The following CRYBA4 variants were observed in gnomAD, a reference collection of about 807,000 sequenced individuals.
CRYBA4 encodes the protein crystallin beta A4, also known as beta-crystallin A4.
A neutral mutation model predicts 31.7 loss-of-function variants in CRYBA4; 30 were observed. The observed-to-expected ratio is 0.95, with a 90% CI of 0.71 to 1.28. The LOEUF (loss-of-function observed/expected upper bound fraction) is 1.28, where lower values mean the gene tolerates loss of function less well. CRYBA4 is among the 50% of genes most tolerant of loss of function. The probability of loss-of-function intolerance (pLI) is 0.00; values close to 1 mark genes in which losing one functional copy is unlikely to be tolerated. For missense variants in CRYBA4, 225 were observed against 260.7 expected (o/e 0.86, Z 0.94); for synonymous variants, 102 against 102.3 (o/e 1.00, Z 0.02).
intron 5 of CRYBA4, among the ~76,000 whole-genome samples, chr22:26,628,993 G>C (rs948537689): frequency 8.5e-5 from 13 of 152,222 alleles, no homozygotes; most frequent in Middle Eastern, 3.2e-3. Context: ...CCTTGGCTGA[G>C]AGTGAGAGGC....
chr22:26,612,018 G>T, the CRYBA4 span: 3 of 1,300,304 alleles, frequency 2.3e-6, no homozygotes, highest in Non-Finnish European at 2.2e-6. Context: ...AGCTACTGTT[G>T]TGTGGTCATT....
At chr22:26,607,472 A>T in the CRYBA4 span, among the ~76,000 whole-genome samples, 2 of 150,766 alleles carry the variant, frequency 1.3e-5, no homozygotes, top group Non-Finnish European at 2.9e-5. Flanking sequence ...CGGGAGGATC[A>T]CTTGAGGCCA....
the CRYBA4 span, among the ~76,000 whole-genome samples, chr22:26,594,707 A>C: frequency 6.6e-6 from 1 of 151,896 alleles, no homozygotes; most frequent in Non-Finnish European, 1.5e-5. Flanking sequence ...AAAACAAAAA[A>C]CAAAAACCAA....
chr22:26,627,729 A>G (rs1366448130), intron 4 of CRYBA4, among the ~76,000 whole-genome samples: 1 of 150,282 alleles, frequency 6.7e-6, no homozygotes, highest in East Asian at 2.0e-4. Context: ...GCTCACTGCA[A>G]CCTCTGCCTC....
At chr22:26,598,687 G>A in the CRYBA4 span, among the ~76,000 whole-genome samples, 1 of 152,274 alleles carries the variant, frequency 6.6e-6, no homozygotes, top group South Asian at 2.1e-4. Context: ...CCCAGCCTGT[G>A]TGATTGCTTT....
chr22:26,601,176 A>G, the CRYBA4 span, among the ~76,000 whole-genome samples: 1 of 152,226 alleles, frequency 6.6e-6, no homozygotes, highest in Non-Finnish European at 1.5e-5. Context: ...ATGGAGAGAC[A>G]GAGCCTTACG....
chr22:26,592,276 C>T, the CRYBA4 span, among the ~76,000 whole-genome samples: 491 of 152,304 alleles, frequency 3.2e-3, 6 homozygotes, highest in African/African-American at 0.011. Context: ...TAATAACATT[C>T]TAGCAATGGC....
the CRYBA4 span, among the ~76,000 whole-genome samples, chr22:26,614,656 A>C: frequency 2.0e-5 from 3 of 152,190 alleles, no homozygotes; most frequent in African/African-American, 7.2e-5. Context: ...AAGTACAAAG[A>C]AAAGCCCAGA....
At chr22:26,602,125 C>G in the CRYBA4 span, 1 of 1,457,768 alleles carries the variant, frequency 6.9e-7, no homozygotes, top group South Asian at 1.2e-5. Context: ...TGAGCCTGTT[C>G]AGGCTGCTGG....
chr22:26,607,524 A>G, the CRYBA4 span, among the ~76,000 whole-genome samples: 1 of 146,670 alleles, frequency 6.8e-6, no homozygotes, highest in Non-Finnish European at 1.5e-5. Flanking sequence ...ACTACTGTAC[A>G]CCAGGCTGGG....
At chr22:26,627,766 A>C (rs1430312827) in intron 4 of CRYBA4, among the ~76,000 whole-genome samples, 1 of 151,682 alleles carries the variant, frequency 6.6e-6, no homozygotes, top group African/African-American at 2.4e-5. Context: ...CTCCTGCCTC[A>C]GTCTCCCAAG....
At chr22:26,624,217 G>A (rs1929634392) in intron 3 of CRYBA4, among the ~76,000 whole-genome samples, 1 of 151,958 alleles carries the variant, frequency 6.6e-6, no homozygotes, top group Non-Finnish European at 1.5e-5. Context: ...CTAGAAGGCA[G>A]GAAAGTAAAT....
intron 1 of CRYBA4, 96 bp from the exon 2 acceptor site, chr22:26,622,489 C>T: frequency 1.9e-6 from 2 of 1,042,578 alleles, no homozygotes; most frequent in Non-Finnish European, 3.0e-6. Flanking sequence ...TCCTGGACTC[C>T]CTATGTGGAT....
upstream of CRYBA4, among the ~76,000 whole-genome samples, chr22:26,617,727 C>T (rs1233267215): frequency 6.6e-6 from 1 of 152,050 alleles, no homozygotes; most frequent in Non-Finnish European, 1.5e-5. Flanking sequence ...CTATCTCTCC[C>T]TCATTGTATC....
the CRYBA4 span, among the ~76,000 whole-genome samples, chr22:26,611,305 G>A: frequency 0.17 from 25,238 of 152,024 alleles, 2,319 homozygotes; most frequent in East Asian, 0.29. Flanking sequence ...AATCATCTAG[G>A]TGTGGTCCCG....
chr22:26,594,531 C>A, the CRYBA4 span, among the ~76,000 whole-genome samples: 1 of 152,150 alleles, frequency 6.6e-6, no homozygotes, highest in Non-Finnish European at 1.5e-5. Context: ...TGGGATCTAT[C>A]TAGCTTTGAA....
Position 26,627,386 on chromosome 22 carries a change from TTC to T in CRYBA4, c.301-900_301-899del, listed in dbSNP as rs1205452050. 9.4e-4 allele frequency among the ~76,000 whole-genome samples: 77 copies of T among 81,518 alleles called. 5 individuals carry two copies. The highest frequency in any genetic ancestry group is 5.2e-3 in the African/African-American group (66 of 12,620). 53.5% of individuals were successfully genotyped at this position (81,518 alleles called of 152,430 possible). ...TTTCTTTCTTTCTTTCTTTCTTTCT[TTC>T]TTTCTTTCTTTCTTTCTTTCTTTCT... On this transcript the variant is annotated intron_variant, in intron 4 of 5. Transcript: ENST00000354760.
intron 1 of CRYBA4, 79 bp downstream of exon 1, chr22:26,622,065 G>C (rs1178819852): frequency 2.6e-6 from 2 of 756,674 alleles, no homozygotes; most frequent in Non-Finnish European, 3.2e-6. Flanking sequence ...CAGGTCCCCA[G>C]TCCTAGGGAT....
chr22:26,593,164 G>A, the CRYBA4 span, among the ~76,000 whole-genome samples: 5 of 152,174 alleles, frequency 3.3e-5, no homozygotes, highest in Non-Finnish European at 7.3e-5. Flanking sequence ...TACCTCTTCT[G>A]TCTTCCTCCC....
Sources: gnomAD v4.1 joint callset for allele counts (sites outside exome capture counted in the v4.1 genomes callset) on GRCh38, gnomAD v4.1.1 for gene constraint, MANE v1.5 for transcripts, NCBI Gene and HGNC (gene_info 2026-07-23, HGNC 2026-07-21) for gene names.